RYR2: variants seen among roughly 807,000 people sequenced by gnomAD.
RYR2 encodes cardiac muscle ryanodine receptor-calcium release channel.
Under a neutral mutation model 601.1 loss-of-function variants are expected in RYR2, and 227 were observed. That is an observed-to-expected ratio of 0.38 (90% CI 0.34 to 0.42). The LOEUF (loss-of-function observed/expected upper bound fraction) is 0.42. RYR2 is among the 10% of genes least tolerant of loss of function. RYR2 has a pLI of 1.00. For synonymous variants in RYR2, 2,223 were observed against 2,175.1 expected, an observed-to-expected ratio of 1.02 and a Z score of -0.61; for missense variants, 4,646 against 6,156.5, an observed-to-expected ratio of 0.75 and a Z score of 8.21.
chr1:237,826,311 G>A (rs1474398418), intron 101 of RYR2, among the ~76,000 whole-genome samples: 2 of 152,076 alleles, frequency 1.3e-5, no homozygotes, highest in Non-Finnish European at 2.9e-5. Context: ...TGCCACGTAT[G>A]TACCATGGAA....
At chr1:237,799,584 A>ATAAAAT (rs1418034843) in intron 97 of RYR2, among the ~76,000 whole-genome samples, 1 of 152,206 alleles carries the variant, frequency 6.6e-6, no homozygotes, top group Non-Finnish European at 1.5e-5. Context: ...CATATGGAGA[A>ATAAAAT]TAAAATTAGA....
intron 84 of RYR2, among the ~76,000 whole-genome samples, chr1:237,761,725 T>C (rs538941285): frequency 6.6e-6 from 1 of 152,320 alleles, no homozygotes; most frequent in African/African-American, 2.4e-5. Flanking sequence ...GAAAAAAATC[T>C]TCAGTAGTTT....
intron 83 of RYR2, among the ~76,000 whole-genome samples, chr1:237,760,154 G>A (rs1467262554): frequency 1.7e-4 from 25 of 150,884 alleles, no homozygotes. Flanking sequence ...AGACCAGCCT[G>A]GGTAACAGGG....
chr1:237,755,967 G>T (rs1692918537), intron 80 of RYR2, among the ~76,000 whole-genome samples: 1 of 152,052 alleles, frequency 6.6e-6, no homozygotes, highest in African/African-American at 2.4e-5. Flanking sequence ...GTATAAATCA[G>T]AAAGTGCAAG....
chr1:237,816,280 C>T (rs910705994), intron 100 of RYR2, among the ~76,000 whole-genome samples: 2 of 152,090 alleles, frequency 1.3e-5, no homozygotes, highest in Admixed American at 6.5e-5. Context: ...GTCAGAGAAA[C>T]GTGGGCAATG....
intron 25 of RYR2, among the ~76,000 whole-genome samples, chr1:237,540,170 G>A (rs933586650): frequency 6.6e-6 from 1 of 151,606 alleles, no homozygotes; most frequent in Non-Finnish European, 1.5e-5. Flanking sequence ...TGAGCCTAGA[G>A]TTAAATTATT....
At chr1:237,176,556 T>TTTTA (rs915019446) in intron 1 of RYR2, among the ~76,000 whole-genome samples, 13 of 151,664 alleles carry the variant, frequency 8.6e-5, no homozygotes, top group African/African-American at 1.7e-4. Flanking sequence ...GACTTGAAAG[T>TTTTA]TTTATTTATT....
chr1:237,486,202 TTTTGAAAAAGTTAGTTGGGGGTAC>T (rs1662667989), intron 17 of RYR2, among the ~76,000 whole-genome samples: 1 of 152,182 alleles, frequency 6.6e-6, no homozygotes, highest in Non-Finnish European at 1.5e-5. Context: ...TATGTTCAGC[TTTTGAAAAAGTTAGTTGGGGGTAC>T]TTAGAGACAT....
At chr1:237,240,015 G>A (rs557410998) in intron 1 of RYR2, among the ~76,000 whole-genome samples, 1 of 152,122 alleles carries the variant, frequency 6.6e-6, no homozygotes, top group African/African-American at 2.4e-5. Context: ...AGATCATTTT[G>A]CTCGATCATT....
chr1:237,758,397 A>G (rs1213123632), intron 82 of RYR2, among the ~76,000 whole-genome samples: 1 of 151,904 alleles, frequency 6.6e-6, no homozygotes, highest in Non-Finnish European at 1.5e-5. Flanking sequence ...CCTTTGTTTG[A>G]AAAAAAACAA....
At chr1:237,561,581 AG>A (rs1434736865) in intron 27 of RYR2, among the ~76,000 whole-genome samples, 1 of 152,198 alleles carries the variant, frequency 6.6e-6, no homozygotes, top group African/African-American at 2.4e-5. Flanking sequence ...GAGTTGAGGA[AG>A]GGTAGATGGT....
At chr1:237,334,251 G>A (rs1697031080) in intron 3 of RYR2, among the ~76,000 whole-genome samples, 1 of 151,948 alleles carries the variant, frequency 6.6e-6, no homozygotes, top group Non-Finnish European at 1.5e-5. Flanking sequence ...AGTAAATCAT[G>A]AACATTACGA....
chr1:237,170,689 T>C (rs1677259240), intron 1 of RYR2, among the ~76,000 whole-genome samples: 1 of 152,232 alleles, frequency 6.6e-6, no homozygotes, highest in African/African-American at 2.4e-5. Context: ...CCTGCAGATA[T>C]AGAAGATCTT....
At chr1:237,489,507 A>G (rs553946458) in intron 17 of RYR2, among the ~76,000 whole-genome samples, 1 of 152,256 alleles carries the variant, frequency 6.6e-6, no homozygotes, top group African/African-American at 2.4e-5. Flanking sequence ...AAATACAAAA[A>G]TTGCCTGGGC....
At chr1:237,118,596 T>TTTTG (rs1048990544) in intron 1 of RYR2, among the ~76,000 whole-genome samples, 1 of 151,764 alleles carries the variant, frequency 6.6e-6, no homozygotes, top group Non-Finnish European at 1.5e-5. Flanking sequence ...GTTTGTTTGT[T>TTTTG]TTTGTTTGTT....
chr1:237,475,668 G>T (rs1661322768), intron 17 of RYR2, among the ~76,000 whole-genome samples: 1 of 152,170 alleles, frequency 6.6e-6, no homozygotes, highest in Non-Finnish European at 1.5e-5. Flanking sequence ...GTGGGATACG[G>T]TGTGATGTTA....
chr1:237,370,636 T>G (rs4290053), intron 6 of RYR2, among the ~76,000 whole-genome samples: 2 of 150,710 alleles, frequency 1.3e-5, no homozygotes, highest in Non-Finnish European at 2.9e-5. Context: ...TAAAATATGT[T>G]AAAAATATGC....
intron 1 of RYR2, among the ~76,000 whole-genome samples, chr1:237,094,087 T>C (rs1334066199): frequency 2.6e-5 from 4 of 152,242 alleles, no homozygotes; most frequent in African/African-American, 4.8e-5. Flanking sequence ...GACTCCCTTC[T>C]TCGAGTCCTC....
intron 84 of RYR2, among the ~76,000 whole-genome samples, chr1:237,768,548 A>G (rs1694024205): frequency 6.6e-6 from 1 of 152,210 alleles, no homozygotes; most frequent in African/African-American, 2.4e-5. Context: ...GCCCTCAAGC[A>G]GCAATTACAA....
Sources: gnomAD v4.1 joint callset for allele counts (sites outside exome capture counted in the v4.1 genomes callset) on GRCh38, gnomAD v4.1.1 for gene constraint, MANE v1.5 for transcripts, NCBI Gene and HGNC (gene_info 2026-07-23, HGNC 2026-07-21) for gene names.